Variants in ARHGAP26 observed in about 807,000 individuals in gnomAD.
ARHGAP26 encodes rho GTPase-activating protein 26.
A neutral mutation model predicts 104.8 loss-of-function variants in ARHGAP26; 38 were observed. The observed-to-expected ratio is 0.36, with a 90% CI of 0.28 to 0.48. The LOEUF is 0.48. ARHGAP26 is among the 20% of genes least tolerant of loss of function. The pLI is 0.99. For missense variants in ARHGAP26, 704 were observed against 947.9 expected, an observed-to-expected ratio of 0.74 and a Z score of 3.38; for synonymous variants, 341 against 340.0, an observed-to-expected ratio of 1.00 and a Z score of -0.03.
intron 11 of ARHGAP26, among the ~76,000 whole-genome samples, chr5:142,976,811 C>T (rs1486022469): frequency 6.6e-6 from 1 of 152,184 alleles, no homozygotes; most frequent in Admixed American, 6.5e-5. Flanking sequence ...AGATTTTGAA[C>T]CTGCTGGTTC....
chr5:143,022,145 C>T (rs1780427289), intron 12 of ARHGAP26, among the ~76,000 whole-genome samples: 1 of 152,136 alleles, frequency 6.6e-6, no homozygotes, highest in African/African-American at 2.4e-5. Flanking sequence ...GATCACGGCT[C>T]ACTGCAACCT....
rs1811515777 is a variant in ARHGAP26 at position 143,224,637 on chromosome 5, G to T, written c.*2191G>T. 1 of 230,628 alleles carries T rather than the reference G, an allele frequency of 4.3e-6. No individual in the cohort carries two copies. Among genetic ancestry groups the T allele is most frequent in the South Asian group, 1.8e-4 (1 of 5,514 alleles). The allele number at this position is 230,628 out of a possible 1,614,324, so 14.3% of individuals were successfully genotyped here. A position where few individuals can be genotyped will look rare whatever the true frequency, so the allele number is the denominator to read the frequency against. On this transcript the variant is annotated 3_prime_UTR_variant, in exon 23 of 23. Transcript: ENST00000645722. ...CCACATCTTCTGAGGCTTTAGAAAT[G>T]TGGACAAGCTAGTTTTCAAATTTTG... is the stretch of plus-strand genomic sequence containing the variant.
intron 1 of ARHGAP26, among the ~76,000 whole-genome samples, chr5:142,796,746 G>C (rs1350499022): frequency 6.6e-6 from 1 of 152,212 alleles, no homozygotes; most frequent in East Asian, 1.9e-4. Flanking sequence ...CTCCAGTCCT[G>C]AATCTGTTTT....
chr5:142,829,912 C>A (rs1231526180), intron 1 of ARHGAP26, among the ~76,000 whole-genome samples: 2 of 152,202 alleles, frequency 1.3e-5, no homozygotes, highest in Non-Finnish European at 2.9e-5. Context: ...CTTCCCACAG[C>A]TAGGAAGTGG....
At position 142,820,321 on chromosome 5, in the gene ARHGAP26, G is replaced by A. The variant is rs1017142455; in HGVS notation, c.154+49406G>A. On this transcript the variant is annotated intron_variant, in intron 1 of 22. Transcript: ENST00000645722. Reference sequence around the variant, plus strand: ...TTAAGAGTTTTTGAGATCTTTGGACGAAAGGTTTCTGGATAAATTTATATC... The same window carrying A: ...TTAAGAGTTTTTGAGATCTTTGGACAAAAGGTTTCTGGATAAATTTATATC... Among the ~76,000 whole-genome samples the A allele has an allele frequency of 7.2e-5, 11 of 152,130 alleles. No homozygotes were observed. The East Asian group carries it at 1.9e-3, about 27-fold the overall frequency.
intron 1 of ARHGAP26, among the ~76,000 whole-genome samples, chr5:142,784,613 G>C (rs184575006): frequency 2.1e-4 from 32 of 152,264 alleles, no homozygotes; most frequent in Non-Finnish European, 4.0e-4. Flanking sequence ...ATCTCTTAAT[G>C]TGCCGTCTCA....
At chr5:142,922,129 T>C (rs769525651) in intron 10 of ARHGAP26, 1 of 152,186 alleles carries the variant, frequency 6.6e-6, no homozygotes, top group African/African-American at 2.4e-5. Flanking sequence ...AAAGATAAAG[T>C]GTTATGCCCT....
intron 5 of ARHGAP26, among the ~76,000 whole-genome samples, chr5:142,890,912 G>T (rs1758566239): frequency 6.6e-6 from 1 of 152,250 alleles, no homozygotes. Context: ...GCAGCTCTCT[G>T]ATGTGGGAGT....
intron 2 of ARHGAP26, among the ~76,000 whole-genome samples, chr5:142,874,560 A>G (rs1269897451): frequency 2.0e-5 from 3 of 152,182 alleles, no homozygotes; most frequent in Non-Finnish European, 4.4e-5. Context: ...TTTTATGAAT[A>G]ATTTTGGCAA....
intron 17 of ARHGAP26, among the ~76,000 whole-genome samples, chr5:143,085,005 A>T (rs1790352240): frequency 1.4e-5 from 2 of 144,398 alleles, no homozygotes; most frequent in Non-Finnish European, 3.0e-5. Context: ...AGATCGCGCC[A>T]CTGCACTCCA....
At chr5:142,883,432 T>C (rs562322929) in intron 4 of ARHGAP26, among the ~76,000 whole-genome samples, 1 of 152,388 alleles carries the variant, frequency 6.6e-6, no homozygotes, top group African/African-American at 2.4e-5. Context: ...TCAGGCTTTT[T>C]CTTCATTTGC....
intron 14 of ARHGAP26, 44 bp from the exon 15 acceptor site, chr5:143,054,394 TC>T (rs765281310): frequency 1.4e-6 from 2 of 1,400,290 alleles, no homozygotes; most frequent in South Asian, 2.6e-5. Context: ...ATTTATTAGT[TC>T]CATTTTATGC....
At chr5:142,902,161 G>T in intron 7 of ARHGAP26, 122 bp downstream of exon 7, 2 of 755,324 alleles carry the variant, frequency 2.6e-6, no homozygotes, top group Non-Finnish European at 4.3e-6. Context: ...GTCTTGCTTG[G>T]GTTCAGAGGG....
chr5:143,048,943 C>T (rs545455937), intron 14 of ARHGAP26, among the ~76,000 whole-genome samples: 2 of 151,308 alleles, frequency 1.3e-5, no homozygotes, highest in East Asian at 3.9e-4. Context: ...AAAACCTTAC[C>T]CAATCTAGAA....
intron 1 of ARHGAP26, among the ~76,000 whole-genome samples, chr5:142,853,193 A>AT (rs1299729492): frequency 4.0e-5 from 6 of 151,836 alleles, no homozygotes; most frequent in African/African-American, 1.2e-4. Context: ...TAATTTTATT[A>AT]TTATTTTTTG....
intron 14 of ARHGAP26, among the ~76,000 whole-genome samples, chr5:143,052,565 A>C (rs1326548745): frequency 6.6e-6 from 1 of 152,192 alleles, no homozygotes; most frequent in Non-Finnish European, 1.5e-5. Context: ...TGTCACCTGC[A>C]AACATCATAC....
At chr5:143,148,431 G>A (rs919930467) in intron 20 of ARHGAP26, among the ~76,000 whole-genome samples, 3 of 152,174 alleles carry the variant, frequency 2.0e-5, no homozygotes, top group Non-Finnish European at 2.9e-5. Flanking sequence ...ATGCTTGGGA[G>A]GAGAGATGAC....
At chr5:143,062,094 T>C (rs1375281343) in intron 17 of ARHGAP26, among the ~76,000 whole-genome samples, 4 of 152,220 alleles carry the variant, frequency 2.6e-5, no homozygotes, top group Non-Finnish European at 4.4e-5. Context: ...GTAGTCTTGG[T>C]AAATCACATT....
intron 1 of ARHGAP26, among the ~76,000 whole-genome samples, chr5:142,796,054 CTGTGTGTGTGTGTGTG>C (rs71890315): frequency 1.4e-5 from 2 of 144,048 alleles, no homozygotes; most frequent in African/African-American, 2.5e-5. Context: ...AGGTGTTTTT[CTGTGTGTGTGTGTGTG>C]TGTGTGTGTG....
Sources: gnomAD v4.1 joint callset for allele counts (sites outside exome capture counted in the v4.1 genomes callset) on GRCh38, gnomAD v4.1.1 for gene constraint, MANE v1.5 for transcripts, NCBI Gene and HGNC (gene_info 2026-07-23, HGNC 2026-07-21) for gene names.